Variants in FAM110B observed in about 807,000 individuals in gnomAD.
FAM110B encodes family with sequence similarity 110 member B, also known as protein FAM110B.
FAM110B carries 6 observed loss-of-function variants against 20.4 expected under a neutral mutation model. The observed-to-expected ratio is 0.29, with a 90% CI of 0.16 to 0.58. The LOEUF (loss-of-function observed/expected upper bound fraction) is 0.58, where lower values mean the gene tolerates loss of function less well. FAM110B is among the 20% of genes least tolerant of loss of function. The pLI, the probability that FAM110B is intolerant of heterozygous loss-of-function variation, is 0.90. For synonymous variants in FAM110B, 226 were observed against 214.1 expected (o/e 1.06, Z -0.49); for missense variants, 434 against 498.2 (o/e 0.87, Z 1.23).
intron 2 of FAM110B, among the ~76,000 whole-genome samples, chr8:58,047,686 T>A (rs1215252653): frequency 6.7e-6 from 1 of 149,928 alleles, no homozygotes; most frequent in East Asian, 2.0e-4. Context: ...AAGAGGTACC[T>A]ATTAAATAGG....
intron 2 of FAM110B, among the ~76,000 whole-genome samples, chr8:58,058,914 A>T (rs754700388): frequency 1.6e-4 from 25 of 152,216 alleles, no homozygotes; most frequent in Non-Finnish European, 2.9e-4. Context: ...AACATAAGGA[A>T]TATTTTCATC....
intron 2 of FAM110B, among the ~76,000 whole-genome samples, chr8:58,075,271 T>TGTGTGTGTGTGTGTGTGTGTGTGTG (rs1554521060): frequency 3.0e-5 from 4 of 134,726 alleles, no homozygotes; most frequent in African/African-American, 1.5e-4. Context: ...GCTTTTTTTT[T>TGTGTGTGTGTGTGTGTGTGTGTGTG]TTTTTGTGTG....
At chr8:58,109,475 G>A (rs535577629) in intron 3 of FAM110B, among the ~76,000 whole-genome samples, 1 of 152,148 alleles carries the variant, frequency 6.6e-6, no homozygotes, top group African/African-American at 2.4e-5. Context: ...TTTTATTAGC[G>A]GCACAGAAAA....
chr8:58,072,870 A>C (rs1805938409), intron 2 of FAM110B, among the ~76,000 whole-genome samples: 1 of 152,242 alleles, frequency 6.6e-6, no homozygotes, highest in Non-Finnish European at 1.5e-5. Flanking sequence ...TGGGCTGAAC[A>C]AGGTGTGGAA....
At chr8:58,093,094 G>A (rs767201555) in intron 3 of FAM110B, among the ~76,000 whole-genome samples, 5 of 152,098 alleles carry the variant, frequency 3.3e-5, no homozygotes, top group East Asian at 1.9e-4. Context: ...TGATGGGGTC[G>A]TTTGTGGGTT....
chr8:58,114,518 T>A (rs1807147978), intron 3 of FAM110B, among the ~76,000 whole-genome samples: 1 of 152,158 alleles, frequency 6.6e-6, no homozygotes, highest in African/African-American at 2.4e-5. Context: ...CAAGTTCACC[T>A]CTCTTGAATC....
chr8:58,117,186 T>G lies in FAM110B; in HGVS notation c.-324-28721T>G, dbSNP rs1807235257. Among the ~76,000 whole-genome samples the G allele has an allele frequency of 3.3e-5, 5 of 152,338 alleles. No homozygotes were observed. In the South Asian group the frequency reaches 1.0e-3, roughly 32 times the overall value. ...AGGGAATCTCAGTGAGGTATTTTTC[T>G]CTGAATCTAATAAAGCAGAAGCTAA... On this transcript the variant is annotated intron_variant, in intron 3 of 3. Coordinates refer to ENST00000519262, the MANE Select transcript of FAM110B (RefSeq NM_001377989.1).
intron 1 of FAM110B, among the ~76,000 whole-genome samples, chr8:58,028,044 C>G (rs963288475): frequency 5.1e-4 from 77 of 152,208 alleles, no homozygotes; most frequent in African/African-American, 1.8e-3. Flanking sequence ...GTGCTTGTAA[C>G]ATTTTGAATT....
Position 58,104,050 on chromosome 8 carries a change from A to T in FAM110B, c.-325+28427A>T, listed in dbSNP as rs533576679. Among the ~76,000 whole-genome samples the T allele has an allele frequency of 2.0e-5, 3 of 152,358 alleles. No homozygotes were observed. The East Asian group carries it at 5.8e-4, about 29-fold the overall frequency. ...GACTAAGGAGATATTTTAACTCTTT[A>T]TTCAGCACCTTATCTTTTGCTTCTC... On this transcript the variant is annotated intron_variant, in intron 3 of 3. Transcript: ENST00000519262.
At chr8:58,087,441 G>A (rs1806365819) in intron 3 of FAM110B, among the ~76,000 whole-genome samples, 1 of 152,160 alleles carries the variant, frequency 6.6e-6, no homozygotes. Flanking sequence ...TGGAGGGGTG[G>A]AGTAAACTGT....
chr8:58,114,610 G>A (rs1242922409), intron 3 of FAM110B, among the ~76,000 whole-genome samples: 1 of 152,152 alleles, frequency 6.6e-6, no homozygotes, highest in African/African-American at 2.4e-5. Flanking sequence ...GAACAAGTTG[G>A]GGAGGATTTA....
At chr8:58,053,962 A>T (rs1375150368) in intron 2 of FAM110B, among the ~76,000 whole-genome samples, 1 of 152,234 alleles carries the variant, frequency 6.6e-6, no homozygotes, top group Non-Finnish European at 1.5e-5. Flanking sequence ...GTGCTGCCAC[A>T]TGGTGGAAGA....
intron 1 of FAM110B, among the ~76,000 whole-genome samples, chr8:58,022,243 C>T (rs1037414484): frequency 1.3e-5 from 2 of 152,202 alleles, no homozygotes; most frequent in African/African-American, 4.8e-5. Context: ...ATGGACGAAC[C>T]ATGTGGGCAT....
chr8:58,009,749 T>G (rs548681972), intron 1 of FAM110B, among the ~76,000 whole-genome samples: 2 of 152,330 alleles, frequency 1.3e-5, no homozygotes, highest in African/African-American at 4.8e-5. Context: ...TTGGCAGCAT[T>G]CTAAAACATA....
At chr8:58,112,969 T>G (rs985754902) in intron 3 of FAM110B, among the ~76,000 whole-genome samples, 7 of 152,158 alleles carry the variant, frequency 4.6e-5, no homozygotes, top group African/African-American at 1.4e-4. Context: ...ACAGATTTCG[T>G]GTCTAGTGAA....
intron 1 of FAM110B, among the ~76,000 whole-genome samples, chr8:58,004,273 AGATG>A (rs1804358517): frequency 6.6e-6 from 1 of 152,190 alleles, no homozygotes. Flanking sequence ...CCCCTGTCCT[AGATG>A]ACATCTTCTT....
At chr8:58,047,570 T>C (rs1460494355) in intron 2 of FAM110B, among the ~76,000 whole-genome samples, 6 of 133,236 alleles carry the variant, frequency 4.5e-5, no homozygotes, top group African/African-American at 1.6e-4. Flanking sequence ...CCTCATCAAA[T>C]TGTAATTAAT....
At chr8:58,145,611 G>A (rs1409633354) in intron 3 of FAM110B, among the ~76,000 whole-genome samples, 1 of 152,228 alleles carries the variant, frequency 6.6e-6, no homozygotes, top group Non-Finnish European at 1.5e-5. Flanking sequence ...ATGCCAACCG[G>A]GCGTGTTCAG....
intron 3 of FAM110B, among the ~76,000 whole-genome samples, chr8:58,081,792 G>A (rs1352950852): frequency 6.6e-6 from 1 of 151,776 alleles, no homozygotes; most frequent in African/African-American, 2.4e-5. Context: ...AAAAGCAATG[G>A]GTTTTTTTTT....
Sources: allele counts gnomAD v4.1 joint callset (sites outside exome capture counted in the v4.1 genomes callset), GRCh38; gene constraint gnomAD v4.1.1; transcripts MANE v1.5; gene names NCBI Gene and HGNC (gene_info 2026-07-23, HGNC 2026-07-21).